NTPCR: variants seen among roughly 807,000 people sequenced by gnomAD.
NTPCR encodes the protein cancer-related nucleoside-triphosphatase.
In NTPCR, 15 loss-of-function variants were observed where a neutral mutation model predicts 19.5. The ratio of observed to expected loss-of-function variants is 0.77; its 90% confidence interval spans 0.51 to 1.18. NTPCR has a LOEUF of 1.18. NTPCR is among the 50% of genes most tolerant of loss of function. The probability of loss-of-function intolerance (pLI) is 0.00; values close to 1 mark genes in which losing one functional copy is unlikely to be tolerated. For synonymous variants in NTPCR, 90 were observed against 95.8 expected (o/e 0.94, Z 0.36); for missense variants, 206 against 240.4 (o/e 0.86, Z 0.95).
chr1:232,969,588 T>C, intron 3 of NTPCR: 1 of 260,784 alleles, frequency 3.8e-6, no homozygotes, highest in East Asian at 7.5e-5. Flanking sequence ...TAAGTACAAT[T>C]GCATCCTTTA....
At chr1:232,962,438 A>T (rs773657166) in intron 3 of NTPCR, 3 of 152,020 alleles carry the variant, frequency 2.0e-5, no homozygotes, top group Non-Finnish European at 4.4e-5. Context: ...TGGAATTAGG[A>T]TTGTTTTTTC....
rs1284730086 is a variant in NTPCR, at chr1:232,981,881, C to G, written c.*3650C>G. 2 of 152,022 alleles carry G rather than the reference C, an allele frequency of 1.3e-5. No homozygotes were observed. The highest frequency in any genetic ancestry group is 2.9e-5 in the Non-Finnish European group (2 of 68,042). 9.4% of individuals were successfully genotyped at this position (152,022 alleles called of 1,614,324 possible). A position where few individuals can be genotyped will look rare whatever the true frequency, so the allele number is the denominator to read the frequency against. On this transcript the variant is annotated 3_prime_UTR_variant, in exon 5 of 5. Transcript: ENST00000366628. ...TACAGGCACCCGCCACCACGCCCAG[C>G]TAATTTTTTGTATTTTTAGTAGAGA...
At chr1:232,953,941 T>C (rs1668444612) in intron 1 of NTPCR, among the ~76,000 whole-genome samples, 1 of 152,200 alleles carries the variant, frequency 6.6e-6, no homozygotes, top group Non-Finnish European at 1.5e-5. Context: ...ACAATCAACA[T>C]TTAGGTTGTT....
intron 3 of NTPCR, chr1:232,967,688 A>G (rs1668857556): frequency 6.6e-6 from 1 of 152,224 alleles, no homozygotes; most frequent in Admixed American, 6.5e-5. Context: ...ATACATGTGC[A>G]TGTGTACACA....
intron 1 of NTPCR, among the ~76,000 whole-genome samples, chr1:232,954,185 G>A (rs1221714005): frequency 6.6e-6 from 1 of 152,162 alleles, no homozygotes; most frequent in Admixed American, 6.5e-5. Context: ...TGATGGCCAG[G>A]GCTGGATTAG....
rs1459119528 is a variant in NTPCR at position 232,981,269 on chromosome 1, A to G, written c.*3038A>G. On this transcript the variant is annotated 3_prime_UTR_variant, in exon 5 of 5. Transcript: ENST00000366628. ...AGCCTTGACAGGGAGAGATCCTAGTAAAGCTGCAAATTCAGGCACTCAGTT... is the reference window on the plus strand; with the variant it reads ...AGCCTTGACAGGGAGAGATCCTAGTGAAGCTGCAAATTCAGGCACTCAGTT... 6.6e-6 allele frequency: 1 copy of G among 152,228 alleles called. No individual in the cohort carries two copies. The highest frequency in any genetic ancestry group is 1.5e-5 in the Non-Finnish European group (1 of 68,038). The allele number at this position is 152,228 out of a possible 1,614,324, so 9.4% of individuals were successfully genotyped here.
chr1:232,950,693 C>G lies in NTPCR; in HGVS notation c.-18C>G. The stretch of plus-strand genomic sequence containing the variant: ...TGGACTGCTCCCCTGACCGCAACCC[C>G]TACCCCCGCCCACCAGTATGGCCCG... On this transcript the variant is annotated 5_prime_UTR_variant, in exon 1 of 5. Transcript: ENST00000366628. The G allele has an allele frequency of 6.2e-7, 1 of 1,605,556 alleles. No individual in the cohort carries two copies. The highest frequency in any genetic ancestry group is 1.1e-5 in the South Asian group (1 of 90,696).
intron 3 of NTPCR, 65 bp downstream of exon 3, chr1:232,956,508 A>C: frequency 8.8e-7 from 1 of 1,140,146 alleles, no homozygotes; most frequent in Non-Finnish European, 1.3e-6. Flanking sequence ...ATTGCTAGCC[A>C]TGGAAACAGA....
At chr1:232,976,774 G>A in intron 4 of NTPCR, 1 of 422,816 alleles carries the variant, frequency 2.4e-6, no homozygotes, top group Non-Finnish European at 4.1e-6. Context: ...TGGGATCACG[G>A]GATTGACGCA....
intron 1 of NTPCR, among the ~76,000 whole-genome samples, chr1:232,953,061 C>T (rs535726335): frequency 6.4e-4 from 98 of 152,310 alleles, no homozygotes; most frequent in African/African-American, 2.3e-3. Context: ...GAGCCACTTG[C>T]CCTGACTTGT....
chr1:232,979,478 C>A lies in NTPCR; in HGVS notation c.*1247C>A. 1 of 152,538 alleles carries A rather than the reference C, an allele frequency of 6.6e-6. No homozygotes were observed. The highest frequency in any genetic ancestry group is 6.5e-5 in the Admixed American group (1 of 15,304). 9.4% of individuals were successfully genotyped at this position (152,538 alleles called of 1,614,324 possible). A position where few individuals can be genotyped will look rare whatever the true frequency, so the allele number is the denominator to read the frequency against. On this transcript the variant is annotated 3_prime_UTR_variant, in exon 5 of 5. Coordinates refer to ENST00000366628, the MANE Select transcript of NTPCR (RefSeq NM_032324.3). This position sits in a 1 kb window ranked among gnomAD's most constrained non-coding sequence, Gnocchi z 5.3. ...CCAGGTCTGGTTCCTCCATCAGTGT[C>A]TCTTTCCTCAGCGCTTTTCTTCCGA...
chr1:232,961,169 T>C (rs932779327), intron 3 of NTPCR, among the ~76,000 whole-genome samples: 4 of 152,244 alleles, frequency 2.6e-5, no homozygotes, highest in Non-Finnish European at 5.9e-5. Flanking sequence ...ATTTAACTAT[T>C]ACTCCCTCAG....
At chr1:232,956,149 G>A (rs1668505372) in intron 2 of NTPCR, among the ~76,000 whole-genome samples, 198 bp from the exon 3 acceptor site, 1 of 152,104 alleles carries the variant, frequency 6.6e-6, no homozygotes, top group South Asian at 2.1e-4. Context: ...CATTGTTGGA[G>A]GTGTGGACAC....
chr1:232,963,775 A>ACTCT (rs923950900), intron 3 of NTPCR: 27 of 151,574 alleles, frequency 1.8e-4, no homozygotes, highest in African/African-American at 5.6e-4. Context: ...ACACCTGTAT[A>ACTCT]CTCTCATTAT....
At chr1:232,956,515 C>A in intron 3 of NTPCR, 72 bp downstream of exon 3, 1 of 1,068,588 alleles carries the variant, frequency 9.4e-7, no homozygotes, top group Non-Finnish European at 1.4e-6. Flanking sequence ...GCCATGGAAA[C>A]AGAATGCCTT....
chr1:232,983,147 C>A lies in NTPCR; in HGVS notation c.*4916C>A, dbSNP rs935675717. On this transcript the variant is annotated 3_prime_UTR_variant, in exon 5 of 5. Coordinates refer to ENST00000366628, the MANE Select transcript of NTPCR (RefSeq NM_032324.3). The stretch of plus-strand genomic sequence containing the variant: ...TTCTCTACAATACCCTTCCCCCAAC[C>A]CTCTCCTCAAATTTCCAAATCCTAA... The A allele has an allele frequency of 6.6e-6, 1 of 152,092 alleles. No individual in the cohort carries two copies. Among genetic ancestry groups the A allele is most frequent in the African/African-American group, 2.4e-5 (1 of 41,410 alleles). The allele number at this position is 152,092 out of a possible 1,614,324, so 9.4% of individuals were successfully genotyped here.
Position 232,955,720 on chromosome 1 carries a change from G to T in NTPCR, c.197+1G>T, listed in dbSNP as rs1668495028. The T allele has an allele frequency of 6.2e-7, 1 of 1,613,128 alleles. No homozygotes were observed. The highest frequency in any genetic ancestry group is 1.7e-5 in the Admixed American group (1 of 59,986). On this transcript the variant is annotated splice_donor_variant, in intron 2 of 4. Coordinates refer to ENST00000366628, the MANE Select transcript of NTPCR (RefSeq NM_032324.3). LOFTEE classifies it high-confidence loss of function. ...CCCGGGGGCCTTTATCGAGAGTTGG[G>T]TACTGATATTTCATTTCTGTGGTGT...
intron 3 of NTPCR, among the ~76,000 whole-genome samples, chr1:232,959,644 G>A (rs1042899207): frequency 6.6e-5 from 10 of 152,086 alleles, no homozygotes; most frequent in Admixed American, 3.3e-4. Context: ...TTTTGATACT[G>A]GCAATGAAAA....
At chr1:232,957,247 T>A (rs1012552531) in intron 3 of NTPCR, among the ~76,000 whole-genome samples, 7 of 152,214 alleles carry the variant, frequency 4.6e-5, no homozygotes, top group Non-Finnish European at 1.0e-4. Context: ...TTCTAATTTT[T>A]GGAAGAGTTT....
Sources: allele counts gnomAD v4.1 joint callset (sites outside exome capture counted in the v4.1 genomes callset), GRCh38; gene constraint gnomAD v4.1.1; non-coding constraint Gnocchi (gnomAD v3.1); transcripts MANE v1.5; gene names NCBI Gene and HGNC (gene_info 2026-07-23, HGNC 2026-07-21).